TEX11: variants seen among roughly 807,000 people sequenced by gnomAD.
The protein encoded by TEX11 is testis-expressed protein 11.
A neutral mutation model predicts 84.4 loss-of-function variants in TEX11; 7 were observed. The observed-to-expected ratio is 0.08, with a 90% CI of 0.05 to 0.16. The LOEUF is 0.16. TEX11 is among the 10% of genes least tolerant of loss of function. TEX11 has a pLI of 1.00. For missense variants in TEX11, 551 were observed against 660.5 expected (o/e 0.83, Z 1.82); for synonymous variants, 264 against 222.8 (o/e 1.18, Z -1.64).
At chrX:70,804,598 A>G (rs1209468182) in intron 9 of TEX11, among the ~76,000 whole-genome samples, 1 of 111,988 alleles carries the variant, frequency 8.9e-6, no homozygotes, top group Non-Finnish European at 1.9e-5. Flanking sequence ...AGTGATGTGA[A>G]CACAAAAGAC....
At chrX:70,695,897 A>G (rs1293832111) in intron 13 of TEX11, among the ~76,000 whole-genome samples, 1 of 112,019 alleles carries the variant, frequency 8.9e-6, no homozygotes, top group Non-Finnish European at 1.9e-5. Flanking sequence ...AAATTGTGAG[A>G]ATTCACTATG....
intron 3 of TEX11, among the ~76,000 whole-genome samples, chrX:70,874,119 C>A: frequency 9.0e-6 from 1 of 110,840 alleles, no homozygotes; most frequent in Non-Finnish European, 1.9e-5. Flanking sequence ...TCATGTGATG[C>A]CTGCTCCCTT....
chrX:70,749,492 C>T (rs1458097500), intron 9 of TEX11, among the ~76,000 whole-genome samples: 2 of 109,001 alleles, frequency 1.8e-5, no homozygotes, highest in South Asian at 4.1e-4. Flanking sequence ...GCATCCCTGT[C>T]TTGTGCCAGT....
At chrX:70,744,559 T>C (rs2090756403) in intron 9 of TEX11, among the ~76,000 whole-genome samples, 1 of 109,440 alleles carries the variant, frequency 9.1e-6, no homozygotes, top group African/African-American at 3.3e-5. Flanking sequence ...GCCTTAAATA[T>C]ATATAACTTA....
In TEX11 at chrX:70,808,638, T is replaced by C. The variant is rs2091234721; in HGVS notation, c.607-1848A>G. On this transcript the variant is annotated intron_variant, in intron 8 of 29. Coordinates refer to ENST00000374333, the MANE Select transcript of TEX11 (RefSeq NM_031276.3). ...ACTCCATTTTCCATGACGTGATTAT[T>C]ATCAATTGCATGCTTACATCAAAAC... Among the ~76,000 whole-genome samples the C allele has an allele frequency of 2.7e-5, 3 of 109,622 alleles. No individual in the cohort carries two copies. In the South Asian group the frequency reaches 1.2e-3, roughly 43 times the overall value.
At chrX:70,597,059 A>G (rs185008963) in intron 24 of TEX11, among the ~76,000 whole-genome samples, 21 of 112,132 alleles carry the variant, frequency 1.9e-4, no homozygotes, top group Admixed American at 1.7e-3. Context: ...ACTAAAACTG[A>G]CTCAAGAGGA....
chrX:70,578,536 A>G (rs1360987756), intron 25 of TEX11, among the ~76,000 whole-genome samples: 1 of 111,569 alleles, frequency 9.0e-6, no homozygotes, highest in Non-Finnish European at 1.9e-5. Flanking sequence ...GAAATTGTAG[A>G]TCAGAATTCA....
chrX:70,767,500 A>T (rs950291194), intron 9 of TEX11, among the ~76,000 whole-genome samples: 1 of 111,819 alleles, frequency 8.9e-6, no homozygotes, highest in Non-Finnish European at 1.9e-5. Flanking sequence ...GGTGGAGAAA[A>T]GGGAACCCTT....
At chrX:70,810,678 G>C (rs191307594) in intron 8 of TEX11, among the ~76,000 whole-genome samples, 1 of 110,480 alleles carries the variant, frequency 9.1e-6, no homozygotes, top group Admixed American at 9.7e-5. Context: ...AGCATTAGGA[G>C]AAATACCTAA....
intron 13 of TEX11, among the ~76,000 whole-genome samples, chrX:70,695,670 T>G (rs1390311708): frequency 8.9e-6 from 1 of 112,010 alleles, no homozygotes; most frequent in African/African-American, 3.2e-5. Context: ...TAACATAAAA[T>G]TGGGCATTTC....
chrX:70,783,854 A>C (rs2091059051), intron 9 of TEX11, among the ~76,000 whole-genome samples: 1 of 111,704 alleles, frequency 9.0e-6, no homozygotes, highest in African/African-American at 3.3e-5. Flanking sequence ...AACCAAAAAA[A>C]AGTCCAGGAC....
chrX:70,780,841 G>A (rs758333183), intron 9 of TEX11, among the ~76,000 whole-genome samples: 7 of 112,610 alleles, frequency 6.2e-5, no homozygotes, highest in Admixed American at 4.7e-4. Flanking sequence ...AGCTCAGCAA[G>A]GCCCACTGCC....
chrX:70,543,239 T>C (rs1180660495), intron 28 of TEX11, among the ~76,000 whole-genome samples: 1 of 111,345 alleles, frequency 9.0e-6, no homozygotes, highest in Non-Finnish European at 1.9e-5. Flanking sequence ...AAAAATAAAT[T>C]AATCACTGCA....
intron 11 of TEX11, among the ~76,000 whole-genome samples, chrX:70,730,584 G>C (rs968216614): frequency 1.8e-5 from 2 of 111,809 alleles, no homozygotes; most frequent in Non-Finnish European, 3.8e-5. Context: ...AAAAGGATCA[G>C]TTCAACAAGA....
At chrX:70,551,975 A>G (rs949948723) in intron 28 of TEX11, 151 bp downstream of exon 28, 33 of 617,172 alleles carry the variant, frequency 5.3e-5, no homozygotes, top group Non-Finnish European at 7.0e-5. Context: ...TCAGAAACCC[A>G]GGAAAATTCT....
At chrX:70,602,687 G>C (rs1376506558) in intron 24 of TEX11, among the ~76,000 whole-genome samples, 7 of 107,917 alleles carry the variant, frequency 6.5e-5, no homozygotes, top group Non-Finnish European at 1.3e-4. Flanking sequence ...ACATAGTGTT[G>C]GAAGTTCTGG....
intron 9 of TEX11, among the ~76,000 whole-genome samples, chrX:70,800,802 C>A (rs2091183338): frequency 9.2e-6 from 1 of 108,165 alleles, no homozygotes; most frequent in African/African-American, 3.4e-5. Flanking sequence ...AAGTGATCCT[C>A]CCACCTCAGC....
rs141499210 is a variant in TEX11, at chrX:70,882,567, G to C, written c.38-2458C>G. ...AGGCTGAGGCAGGTAGATTGCTTGA[G>C]CTCAGGAGTTTGAGACCAGCCTGGG... On this transcript the variant is annotated intron_variant, in intron 2 of 29. Coordinates refer to ENST00000374333, the MANE Select transcript of TEX11 (RefSeq NM_031276.3). 2.2e-3 allele frequency among the ~76,000 whole-genome samples: 243 copies of C among 111,424 alleles called. 9 individuals are homozygous for C. In the East Asian group the frequency reaches 0.059, roughly 27 times the overall value.
intron 25 of TEX11, among the ~76,000 whole-genome samples, chrX:70,582,525 C>T (rs997148932): frequency 9.0e-6 from 1 of 111,204 alleles, no homozygotes; most frequent in Admixed American, 9.6e-5. Context: ...TATTCTTCAT[C>T]TTCTGTGTAA....
Sources: allele counts gnomAD v4.1 joint callset (sites outside exome capture counted in the v4.1 genomes callset), GRCh38; gene constraint gnomAD v4.1.1; transcripts MANE v1.5; gene names NCBI Gene and HGNC (gene_info 2026-07-23, HGNC 2026-07-21).